Variants in NYAP2 observed in about 807,000 individuals in gnomAD.
NYAP2 encodes neuronal tyrosine-phosphorylated phosphoinositide-3-kinase adapter 2.
In NYAP2, 23 loss-of-function variants were observed where a neutral mutation model predicts 50.4. The observed-to-expected ratio is 0.46, with a 90% CI of 0.33 to 0.65. NYAP2 has a LOEUF of 0.65. Among genes scored for constraint, NYAP2 ranks in the 30% least tolerant of loss-of-function variants. The pLI, the probability that NYAP2 is intolerant of heterozygous loss-of-function variation, is 0.02. For missense variants in NYAP2, 885 were observed against 861.0 expected, an observed-to-expected ratio of 1.03 and a Z score of -0.35; for synonymous variants, 394 against 365.2, an observed-to-expected ratio of 1.08 and a Z score of -0.90.
intron 3 of NYAP2, among the ~76,000 whole-genome samples, chr2:225,458,934 T>C (rs1360318631): frequency 6.6e-6 from 1 of 152,198 alleles, no homozygotes; most frequent in Non-Finnish European, 1.5e-5. Flanking sequence ...TGAATCATGT[T>C]TTGCTTAAAC....
At chr2:225,457,304 A>G (rs186152682) in intron 3 of NYAP2, among the ~76,000 whole-genome samples, 239 of 152,332 alleles carry the variant, frequency 1.6e-3, no homozygotes, top group Admixed American at 3.5e-3. Context: ...TGAAGCTCTC[A>G]GGTTTATTTC....
chr2:225,626,905 G>A lies in NYAP2; in HGVS notation c.1619-12G>A. 6.5e-7 allele frequency: 1 copy of A among 1,536,588 alleles called. No homozygotes were observed. On this transcript the variant is annotated splice_polypyrimidine_tract_variant and intron_variant, in intron 5 of 6. Coordinates refer to ENST00000636099, the Ensembl canonical transcript of NYAP2. ...TCTTGTTTAACAGAATGTAATTCTG[G>A]TTACTACACAGAATCAACAGAGGAA...
At chr2:225,570,615 G>A (rs1280656283) in intron 4 of NYAP2, among the ~76,000 whole-genome samples, 1 of 152,078 alleles carries the variant, frequency 6.6e-6, no homozygotes, top group Non-Finnish European at 1.5e-5. Flanking sequence ...GAACAGCATG[G>A]GGGAAACTGC....
In NYAP2 at chr2:225,554,618, A is replaced by G. The variant is rs530680486; in HGVS notation, c.524-27323A>G. Among the ~76,000 whole-genome samples, 39 of 152,216 alleles carry G rather than the reference A, an allele frequency of 2.6e-4. No homozygotes were observed. The Middle Eastern group carries it at 0.01, about 40-fold the overall frequency. ...ATTACAGGTGTGAGCCACTATGCCC[A>G]GCCTACATTTATCTTATATAGAGAA... On this transcript the variant is annotated intron_variant, in intron 4 of 6. Transcript: ENST00000636099.
In NYAP2 at chr2:225,477,673, A is replaced by G. The variant is rs554369181; in HGVS notation, c.222-35698A>G. On this transcript the variant is annotated intron_variant, in intron 3 of 6. Coordinates refer to ENST00000636099, the Ensembl canonical transcript of NYAP2. ...AGTCAATCTTCTTCTCTCTCACTGCATATGTGTGTGTGCATGTTAGTTTAG... is the reference window on the plus strand; with the variant it reads ...AGTCAATCTTCTTCTCTCTCACTGCGTATGTGTGTGTGCATGTTAGTTTAG... Among the ~76,000 whole-genome samples the G allele has an allele frequency of 1.8e-3, 281 of 152,294 alleles. 1 individual carries two copies. The highest frequency in any genetic ancestry group is 3.2e-3 in the Non-Finnish European group (221 of 68,030).
chr2:225,434,797 T>G (rs1339424844), intron 3 of NYAP2, among the ~76,000 whole-genome samples: 2 of 152,230 alleles, frequency 1.3e-5, no homozygotes, highest in African/African-American at 2.4e-5. Flanking sequence ...CCATTTTATA[T>G]ATACACGTGT....
intron 4 of NYAP2, among the ~76,000 whole-genome samples, chr2:225,543,207 C>T (rs2106205094): frequency 6.6e-6 from 1 of 151,892 alleles, no homozygotes; most frequent in South Asian, 2.1e-4. Context: ...AAAAAACCAA[C>T]TTTCTGTTTC....
chr2:225,458,056 T>C (rs1321952825), intron 3 of NYAP2, among the ~76,000 whole-genome samples: 1 of 151,978 alleles, frequency 6.6e-6, no homozygotes, highest in African/African-American at 2.4e-5. Flanking sequence ...CCACCGATAC[T>C]TAAGAAAAAA....
intron 5 of NYAP2, among the ~76,000 whole-genome samples, chr2:225,590,301 G>A (rs974352951): frequency 5.3e-5 from 8 of 152,154 alleles, no homozygotes; most frequent in African/African-American, 1.9e-4. Flanking sequence ...GTATAATGAT[G>A]ATTCTCCCAG....
In NYAP2 at chr2:225,537,953, G is replaced by A. The variant is rs150727290; in HGVS notation, c.523+24281G>A. Among the ~76,000 whole-genome samples, 828 of 152,294 alleles carry A rather than the reference G, an allele frequency of 5.4e-3. 5 individuals carry two copies. Among genetic ancestry groups the A allele is most frequent in the African/African-American group, 0.019 (774 of 41,550 alleles). On this transcript the variant is annotated intron_variant, in intron 4 of 6. Transcript: ENST00000636099. ...CAAAGTGGCTACAGGCCCCATGCAAGTCCAAAATCCAGTGGGGCAATCAAA... is the reference window on the plus strand; with the variant it reads ...CAAAGTGGCTACAGGCCCCATGCAAATCCAAAATCCAGTGGGGCAATCAAA...
At chr2:225,542,428 G>T (rs960439211) in intron 4 of NYAP2, among the ~76,000 whole-genome samples, 2 of 151,974 alleles carry the variant, frequency 1.3e-5, no homozygotes, top group African/African-American at 4.8e-5. Context: ...CTTTTCTTAT[G>T]TTGAAGTATG....
At chr2:225,615,624 G>A (rs1692974861) in intron 5 of NYAP2, among the ~76,000 whole-genome samples, 1 of 152,182 alleles carries the variant, frequency 6.6e-6, no homozygotes. Flanking sequence ...GGTGAACACT[G>A]CCTGGTGTAG....
the NYAP2 span, among the ~76,000 whole-genome samples, chr2:225,693,921 G>C: frequency 6.6e-6 from 1 of 152,014 alleles, no homozygotes; most frequent in Non-Finnish European, 1.5e-5. Flanking sequence ...AAAAAGGGGT[G>C]GAGATTGAAA....
chr2:225,536,641 T>C lies in NYAP2; in HGVS notation c.523+22969T>C, dbSNP rs115998752. 6.5e-3 allele frequency among the ~76,000 whole-genome samples: 986 copies of C among 152,230 alleles called. 5 individuals are homozygous for C. The highest frequency in any genetic ancestry group is 0.011 in the Non-Finnish European group (759 of 68,024). ...AATAATCACGTCAGGGCAAATGGGG[T>C]CATCACCTTAAACATTTATTCTTTG... On this transcript the variant is annotated intron_variant, in intron 4 of 6. Transcript: ENST00000636099.
intron 4 of NYAP2, among the ~76,000 whole-genome samples, chr2:225,516,187 C>T (rs923565792): frequency 1.3e-4 from 20 of 152,094 alleles, no homozygotes; most frequent in Non-Finnish European, 2.6e-4. Context: ...GATGTTTCAT[C>T]GCTAGTTCCT....
At chr2:225,651,595 C>T (rs756425182) in exon 7 of NYAP2, 6 of 1,612,552 alleles carry the variant, frequency 3.7e-6, no homozygotes, top group South Asian at 2.2e-5. Context: ...CCAAATGCTT[C>T]CCACCTCTGT....
chr2:225,501,446 A>T (rs926549348), intron 3 of NYAP2, among the ~76,000 whole-genome samples: 1 of 152,230 alleles, frequency 6.6e-6, no homozygotes, highest in Non-Finnish European at 1.5e-5. Flanking sequence ...AATAATGTAT[A>T]AAACAATATG....
chr2:225,527,484 ACTT>A (rs1290473035), intron 4 of NYAP2, among the ~76,000 whole-genome samples: 3 of 152,048 alleles, frequency 2.0e-5, no homozygotes, highest in Non-Finnish European at 4.4e-5. Context: ...TGTTGGCAAA[ACTT>A]CTTTTTATTA....
At chr2:225,644,659 T>C (rs1191784361) in intron 6 of NYAP2, among the ~76,000 whole-genome samples, 6 of 147,670 alleles carry the variant, frequency 4.1e-5, no homozygotes, top group Non-Finnish European at 7.4e-5. Context: ...TTTCTACATA[T>C]GGCTAGCCAG....
Sources: allele counts gnomAD v4.1 joint callset (sites outside exome capture counted in the v4.1 genomes callset), GRCh38; gene constraint gnomAD v4.1.1; transcripts MANE v1.5; gene names NCBI Gene and HGNC (gene_info 2026-07-23, HGNC 2026-07-21).